The following FGG variants were observed in gnomAD, a reference collection of about 807,000 sequenced individuals.
FGG encodes fibrinogen gamma chain, also known as fibrinogen, gamma polypeptide.
FGG carries 20 observed loss-of-function variants against 51.7 expected under a neutral mutation model. That is an observed-to-expected ratio of 0.39 (90% CI 0.27 to 0.56). The LOEUF (loss-of-function observed/expected upper bound fraction) is 0.56. Among genes scored for constraint, FGG ranks in the 20% least tolerant of loss-of-function variants. FGG has a pLI of 0.64. For synonymous variants in FGG, 184 were observed against 184.7 expected (o/e 1.00, Z 0.03); for missense variants, 460 against 534.2 (o/e 0.86, Z 1.37).
intron 7 of FGG, 109 bp downstream of exon 7, chr4:154,608,357 G>A (rs1731137855): frequency 9.3e-7 from 1 of 1,073,706 alleles, no homozygotes; most frequent in South Asian, 1.4e-5. Flanking sequence ...GGCTGGATGT[G>A]CTGTTTGCAT....
At chr4:154,605,852 G>A (rs1452498784) in intron 8 of FGG, among the ~76,000 whole-genome samples, 1 of 151,966 alleles carries the variant, frequency 6.6e-6, no homozygotes, top group Non-Finnish European at 1.5e-5. Context: ...GGAGACTATG[G>A]TTTGCTACAA....
Position 154,612,344 on chromosome 4 carries a change from C to A in FGG, c.123+47G>T, listed in dbSNP as rs752269130. The A allele has an allele frequency of 3.1e-6, 5 of 1,600,542 alleles. No homozygotes were observed. In the Admixed American group the frequency reaches 6.7e-5, roughly 21 times the overall value. ...TGAGGGAATTATTTCTATTCCTCTG[C>A]CCCTCTCCAGTTCACACACAAAGGG... On this transcript the variant is annotated intron_variant, in intron 2 of 8. Coordinates refer to ENST00000336098, the MANE Select transcript of FGG (RefSeq NM_021870.3).
rs1731164657 is a variant in FGG at position 154,609,664 on chromosome 4, T to A, written c.632A>T (p.Asp211Val). ...NQQFLVYCEI[D>V]GSGNGWTVFQ... is the part of the protein sequence containing the mutation. Reference sequence around the variant, plus strand: ...CACAGTCCATCCATTTCCAGACCCATCGATTTCACAGTAGACTAAGAATTG... The same window carrying A: ...CACAGTCCATCCATTTCCAGACCCAACGATTTCACAGTAGACTAAGAATTG... The change falls in exon 6 of 9, where the codon GAT becomes GTT. Residue 211 changes from aspartate (D) to valine (V), a missense_variant. By Grantham distance (152) the Asp-to-Val change is radical (BLOSUM62 -3). Transcript: ENST00000336098. The A allele has an allele frequency of 1.9e-6, 3 of 1,613,948 alleles. No individual in the cohort carries two copies. Among genetic ancestry groups the A allele is most frequent in the Non-Finnish European group, 2.5e-6 (3 of 1,179,900 alleles).
intron 4 of FGG, among the ~76,000 whole-genome samples, chr4:154,610,634 G>C (rs959242474): frequency 1.3e-4 from 20 of 152,166 alleles, no homozygotes; most frequent in African/African-American, 4.3e-4. Flanking sequence ...AGCAGGAAAA[G>C]CTCAGTTCAG....
Position 154,604,819 on chromosome 4 carries a change from T to C in FGG, c.*15A>G. The C allele has an allele frequency of 6.2e-7, 1 of 1,613,560 alleles. No individual in the cohort carries two copies. The highest frequency in any genetic ancestry group is 8.5e-7 in the Non-Finnish European group (1 of 1,179,858). The stretch of plus-strand genomic sequence containing the variant: ...CTGAAACTTTGTGGGTCAATAGAAG[T>C]TAGCAGTTAATTTTCTACAAATCAT... On this transcript the variant is annotated 3_prime_UTR_variant, in exon 9 of 9. Coordinates refer to ENST00000336098, the MANE Select transcript of FGG (RefSeq NM_021870.3).
intron 8 of FGG, among the ~76,000 whole-genome samples, chr4:154,605,363 C>T (rs748946259): frequency 4.6e-5 from 7 of 152,230 alleles, no homozygotes; most frequent in East Asian, 1.9e-4. Context: ...TTATCCATCC[C>T]GGACTCAGCT....
rs918243438 is a variant in FGG, at chr4:154,612,100, T to C, written c.225A>G (p.Gln75=). 1 of 1,612,726 alleles carries C rather than the reference T, an allele frequency of 6.2e-7. No individual in the cohort carries two copies. The highest frequency in any genetic ancestry group is 1.7e-5 in the Admixed American group (1 of 59,930). Residue 75 remains glutamine (Q), a synonymous_variant, in exon 3 of 9, where the codon CAA becomes CAG. Transcript: ENST00000336098. The part of the protein sequence containing the change: ...DLQSLEDILH[Q]VENKTSEVKQ... ...TGACTTCTGATGTTTTGTTTTCAAC[T>C]TGATGTAAGATGTCTTCCAAAGACT...
rs757702704 is a variant in FGG, at chr4:154,608,634, A to G, written c.683T>C (p.Val228Ala). 6 of 1,612,252 alleles carry G rather than the reference A, an allele frequency of 3.7e-6. No individual in the cohort carries two copies. Among genetic ancestry groups the G allele is most frequent in the South Asian group, 3.3e-5 (3 of 91,080 alleles). The change falls in exon 7 of 9, where the codon GTA becomes GCA. Residue 228 changes from valine to alanine, a missense_variant. By Grantham distance (64) the Val-to-Ala change is moderately conservative. This residue lies in a region of FGG where 353 missense variants were observed against 391.7 expected (regional missense o/e 0.90). Transcript: ENST00000336098. ...TTGAATCCAGTTTTTCTTGAAATCT[A>G]CACTGCCATCAAGTCTCTAATTACA... Reference protein sequence around the residue: ...TVFQKRLDGSVDFKKNWIQYK... With the variant: ...TVFQKRLDGSADFKKNWIQYK...
In FGG at chr4:154,612,103, A is replaced by T; in HGVS notation, c.222T>A (p.His74Gln). ...CTTCTGATGTTTTGTTTTCAACTTGATGTAAGATGTCTTCCAAAGACTGTA... is the reference window on the plus strand; with the variant it reads ...CTTCTGATGTTTTGTTTTCAACTTGTTGTAAGATGTCTTCCAAAGACTGTA... Reference protein sequence around the residue: ...KDLQSLEDILHQVENKTSEVK... With the variant: ...KDLQSLEDILQQVENKTSEVK... The change falls in exon 3 of 9, where the codon CAT becomes CAA. Residue 74 changes from histidine (H) to glutamine (Q), a missense_variant. Coordinates refer to ENST00000336098, the MANE Select transcript of FGG (RefSeq NM_021870.3). The T allele has an allele frequency of 6.2e-7, 1 of 1,612,676 alleles. No homozygotes were observed. Among genetic ancestry groups the T allele is most frequent in the Non-Finnish European group, 8.5e-7 (1 of 1,179,692 alleles).
chr4:154,604,284 ATC>A lies in FGG; in HGVS notation c.*548_*549del. The A allele has an allele frequency of 2.2e-6, 3 of 1,366,002 alleles. No homozygotes were observed. The highest frequency in any genetic ancestry group is 1.8e-4 in the Middle Eastern group (1 of 5,526). The allele number at this position is 1,366,002 out of a possible 1,614,324, so 84.6% of individuals were successfully genotyped here. A position where few individuals can be genotyped will look rare whatever the true frequency, so the allele number is the denominator to read the frequency against. On this transcript the variant is annotated 3_prime_UTR_variant, in exon 9 of 9. Transcript: ENST00000336098. Reference sequence around the variant, plus strand: ...CATTGTCCAATAGGAAAAATATTATATCTCTCTGTTCAGATAAAGTCCTTTAA... The same window carrying A: ...CATTGTCCAATAGGAAAAATATTATATCTCTGTTCAGATAAAGTCCTTTAA...
intron 2 of FGG, 48 bp downstream of exon 2, chr4:154,612,343 G>A: frequency 3.1e-6 from 5 of 1,598,478 alleles, no homozygotes; most frequent in Non-Finnish European, 4.3e-6. Context: ...CTATTCCTCT[G>A]CCCCTCTCCA....
chr4:154,609,846 A>T, intron 5 of FGG, 83 bp from the exon 6 acceptor site: 1 of 1,588,150 alleles, frequency 6.3e-7, no homozygotes, highest in Non-Finnish European at 8.6e-7. Context: ...TTTAACATGT[A>T]GTAAACTATT....
intron 8 of FGG, 70 bp downstream of exon 8, chr4:154,606,631 ATATC>A: frequency 2.1e-6 from 3 of 1,423,508 alleles, no homozygotes; most frequent in Non-Finnish European, 2.9e-6. Context: ...TCATTTCTTC[ATATC>A]TATTTATTAT....
intron 7 of FGG, 75 bp from the exon 8 acceptor site, chr4:154,607,057 G>T: frequency 6.7e-7 from 1 of 1,483,984 alleles, no homozygotes; most frequent in Non-Finnish European, 9.0e-7. Context: ...TTCGTAGGAT[G>T]CTTCCTTGGA....
Position 154,604,918 on chromosome 4 carries a change from G to A in FGG, c.1278C>T (p.His426=), listed in dbSNP as rs1448437208. The A allele has an allele frequency of 9.3e-6, 15 of 1,614,064 alleles. No individual in the cohort carries two copies. Among genetic ancestry groups the A allele is most frequent in the Non-Finnish European group, 1.3e-5 (15 of 1,179,966 alleles). ...TGACCTGTTTGGCTCCCCCCAGGTGGTGTTGCTGTCCTTCTCCAATTGTGA... is the reference window on the plus strand; with the variant it reads ...TGACCTGTTTGGCTCCCCCCAGGTGATGTTGCTGTCCTTCTCCAATTGTGA... The part of the protein sequence containing the change: ...NRLTIGEGQQ[H]HLGGAKQVRP... Residue 426 remains histidine (H), a synonymous_variant, in exon 9 of 9, where the codon CAC becomes CAT. Transcript: ENST00000336098.
chr4:154,604,436 T>A lies in FGG; in HGVS notation c.*398A>T. 8.0e-7 allele frequency: 1 copy of A among 1,255,372 alleles called. No homozygotes were observed. The highest frequency in any genetic ancestry group is 1.1e-6 in the Non-Finnish European group (1 of 925,418). The allele number at this position is 1,255,372 out of a possible 1,614,324, so 77.8% of individuals were successfully genotyped here. ...AAAAAGAAGAATTAAATAGGAATGA[T>A]TTAGGGGTAATAAACAAGGAAAATA... On this transcript the variant is annotated 3_prime_UTR_variant, in exon 9 of 9. Transcript: ENST00000336098.
chr4:154,608,318 G>A lies in FGG; in HGVS notation c.851+148C>T, dbSNP rs994193708. 8.5e-5 allele frequency: 67 copies of A among 783,720 alleles called. No individual in the cohort carries two copies. The Admixed American group carries it at 1.3e-3, about 16-fold the overall frequency. 48.5% of individuals were successfully genotyped at this position (783,720 alleles called of 1,614,324 possible). ...GAATTTACCTTTTTGGATTGCCCAAGAACCAAACAGACTCCTGGAGAAAAT... is the reference window on the plus strand; with the variant it reads ...GAATTTACCTTTTTGGATTGCCCAAAAACCAAACAGACTCCTGGAGAAAAT... On this transcript the variant is annotated intron_variant, in intron 7 of 8. Transcript: ENST00000336098.
chr4:154,608,394 A>G (rs1239126283), intron 7 of FGG, 72 bp downstream of exon 7: 2 of 1,439,914 alleles, frequency 1.4e-6, no homozygotes, highest in Non-Finnish European at 9.6e-7. Context: ...GCCATTGTCT[A>G]TTGATAGTTG....
rs1423888036 is a variant in FGG at position 154,609,991 on chromosome 4, A to G, written c.532+76T>C. On this transcript the variant is annotated intron_variant, in intron 5 of 8. Transcript: ENST00000336098. Reference sequence around the variant, plus strand: ...TAGCCACTTTCTAAACTATTCCTATACTTTCCAGTACATACTTTCTCCTTT... The same window carrying G: ...TAGCCACTTTCTAAACTATTCCTATGCTTTCCAGTACATACTTTCTCCTTT... The G allele has an allele frequency of 5.0e-6, 8 of 1,592,494 alleles. No homozygotes were observed. The African/African-American group carries it at 8.1e-5, about 16-fold the overall frequency.
Sources: allele counts gnomAD v4.1 joint callset (sites outside exome capture counted in the v4.1 genomes callset), GRCh38; gene constraint gnomAD v4.1.1; regional missense constraint gnomAD v4.1.1; transcripts MANE v1.5; gene names NCBI Gene and HGNC (gene_info 2026-07-23, HGNC 2026-07-21).